GRID1: variants seen among roughly 807,000 people sequenced by gnomAD.
The protein encoded by GRID1 is glutamate ionotropic receptor delta type subunit 1.
GRID1 carries 28 observed loss-of-function variants against 98.0 expected under a neutral mutation model. The ratio of observed to expected loss-of-function variants is 0.29; its 90% CI spans 0.21 to 0.39. The LOEUF (loss-of-function observed/expected upper bound fraction) is 0.39. GRID1 is among the 10% of genes least tolerant of loss of function. The pLI, the probability that GRID1 is intolerant of heterozygous loss-of-function variation, is 1.00. For synonymous variants in GRID1, 553 were observed against 538.5 expected, an observed-to-expected ratio of 1.03 and a Z score of -0.37; for missense variants, 1,111 against 1,340.5, an observed-to-expected ratio of 0.83 and a Z score of 2.67.
chr10:86,333,093 G>A (rs2132104122), intron 2 of GRID1, among the ~76,000 whole-genome samples: 1 of 152,222 alleles, frequency 6.6e-6, no homozygotes, highest in Middle Eastern at 3.4e-3. Flanking sequence ...CAAACCTCCA[G>A]CCTCATCTTC....
At chr10:85,927,047 C>G (rs1049443738) in intron 4 of GRID1, among the ~76,000 whole-genome samples, 2 of 152,212 alleles carry the variant, frequency 1.3e-5, no homozygotes, top group Non-Finnish European at 2.9e-5. Context: ...TTACCTAGCC[C>G]TGGTCTCTCA....
chr10:86,077,856 A>G (rs547804193), intron 4 of GRID1, among the ~76,000 whole-genome samples: 1 of 152,374 alleles, frequency 6.6e-6, no homozygotes, highest in East Asian at 1.9e-4. Flanking sequence ...GAAACAGGGC[A>G]TGGACATTAA....
At chr10:86,319,903 T>G (rs536014137) in intron 2 of GRID1, among the ~76,000 whole-genome samples, 1 of 152,268 alleles carries the variant, frequency 6.6e-6, no homozygotes, top group East Asian at 1.9e-4. Flanking sequence ...TACCAGGAGC[T>G]CCCTAGCTCC....
chr10:85,714,159 A>G (rs1181975393), intron 12 of GRID1, among the ~76,000 whole-genome samples: 1 of 150,304 alleles, frequency 6.7e-6, no homozygotes, highest in Admixed American at 6.6e-5. Flanking sequence ...GAGGAACAGA[A>G]AACTAAATAC....
chr10:86,357,111 G>A (rs1848542998), intron 2 of GRID1, among the ~76,000 whole-genome samples: 2 of 152,174 alleles, frequency 1.3e-5, no homozygotes, highest in African/African-American at 4.8e-5. Flanking sequence ...AACAAAAGGG[G>A]CCACCTCATC....
intron 4 of GRID1, among the ~76,000 whole-genome samples, chr10:85,975,781 C>G (rs919947354): frequency 6.6e-5 from 10 of 152,088 alleles, no homozygotes; most frequent in African/African-American, 2.2e-4. Context: ...CAAGGTCAAG[C>G]TCTCTCTCTC....
chr10:85,668,313 T>C (rs150680989), intron 12 of GRID1, among the ~76,000 whole-genome samples: 2 of 152,292 alleles, frequency 1.3e-5, no homozygotes, highest in Non-Finnish European at 2.9e-5. Context: ...CCTCTGACTC[T>C]GTGTGTGTTT....
chr10:85,771,808 C>G (rs1365424682), intron 8 of GRID1, among the ~76,000 whole-genome samples: 2 of 152,042 alleles, frequency 1.3e-5, no homozygotes, highest in African/African-American at 4.8e-5. Flanking sequence ...ACAGGAGTAC[C>G]CAGATTCATA....
At chr10:85,646,111 A>AGTGTGTGTGTGT (rs58539676) in intron 13 of GRID1, 3 of 148,344 alleles carry the variant, frequency 2.0e-5, no homozygotes, top group African/African-American at 7.5e-5. Flanking sequence ...CACAGGGATG[A>AGTGTGTGTGTGT]GTGTGTGTGT....
At chr10:85,673,422 A>T (rs1055353496) in intron 12 of GRID1, among the ~76,000 whole-genome samples, 1 of 152,228 alleles carries the variant, frequency 6.6e-6, no homozygotes, top group African/African-American at 2.4e-5. Flanking sequence ...ACCAAACAAC[A>T]TCACATGCTA....
chr10:86,133,478 C>T (rs985368061), intron 4 of GRID1, among the ~76,000 whole-genome samples: 2 of 152,216 alleles, frequency 1.3e-5, no homozygotes, highest in African/African-American at 4.8e-5. Context: ...CAGGAGCAGC[C>T]CTGGCCTCAT....
chr10:86,047,328 G>T (rs913876410), intron 4 of GRID1, among the ~76,000 whole-genome samples: 1 of 152,182 alleles, frequency 6.6e-6, no homozygotes, highest in Admixed American at 6.5e-5. Context: ...GACTGGAGCT[G>T]GGCACACATT....
At chr10:85,612,250 A>G (rs1842741093) in intron 15 of GRID1, among the ~76,000 whole-genome samples, 2 of 152,158 alleles carry the variant, frequency 1.3e-5, no homozygotes, top group African/African-American at 4.8e-5. Flanking sequence ...CAGGCCACAC[A>G]CATGGTGGAC....
chr10:85,757,109 G>T (rs1842106993), intron 8 of GRID1, among the ~76,000 whole-genome samples: 1 of 152,132 alleles, frequency 6.6e-6, no homozygotes, highest in Non-Finnish European at 1.5e-5. Flanking sequence ...AGCCAACAGG[G>T]GGCAAACTTG....
chr10:86,182,190 C>T (rs1845665413), intron 3 of GRID1, among the ~76,000 whole-genome samples: 1 of 152,138 alleles, frequency 6.6e-6, no homozygotes, highest in African/African-American at 2.4e-5. Context: ...CCAGGGTCTG[C>T]GGGTGCTTCC....
intron 2 of GRID1, among the ~76,000 whole-genome samples, chr10:86,208,308 T>A (rs535414930): frequency 6.6e-6 from 1 of 152,266 alleles, no homozygotes; most frequent in African/African-American, 2.4e-5. Context: ...GATGAGATCT[T>A]GTGAATCTCA....
intron 12 of GRID1, among the ~76,000 whole-genome samples, chr10:85,713,451 C>T (rs1451519745): frequency 6.6e-6 from 1 of 151,526 alleles, no homozygotes; most frequent in African/African-American, 2.4e-5. Context: ...CCTTCTCAAA[C>T]ACTTCCAAAA....
intron 8 of GRID1, among the ~76,000 whole-genome samples, chr10:85,802,351 T>C (rs970042189): frequency 2.6e-5 from 4 of 152,048 alleles, no homozygotes; most frequent in Admixed American, 2.6e-4. Flanking sequence ...ATTAAGATAG[T>C]TCAGTATTGG....
At chr10:86,041,650 T>G (rs942593543) in intron 4 of GRID1, among the ~76,000 whole-genome samples, 4 of 152,198 alleles carry the variant, frequency 2.6e-5, no homozygotes, top group African/African-American at 9.6e-5. Context: ...CCAGGACAGG[T>G]CCCCTGACCA....
Sources: gnomAD v4.1 joint callset for allele counts (sites outside exome capture counted in the v4.1 genomes callset) on GRCh38, gnomAD v4.1.1 for gene constraint, MANE v1.5 for transcripts, NCBI Gene and HGNC (gene_info 2026-07-23, HGNC 2026-07-21) for gene names.